The following NTRK2 variants were observed in gnomAD, a reference collection of about 807,000 sequenced individuals.
The protein encoded by NTRK2 is neurotrophic receptor tyrosine kinase 2.
In NTRK2, 13 loss-of-function variants were observed where a neutral mutation model predicts 94.5. The observed-to-expected ratio is 0.14, with a 90% CI of 0.09 to 0.22. The LOEUF is 0.22. Ranked by LOEUF, NTRK2 falls within the 10% of genes least tolerant of loss-of-function variation. NTRK2 has a pLI of 1.00. For synonymous variants in NTRK2, 372 were observed against 407.4 expected (o/e 0.91, Z 1.05); for missense variants, 639 against 1,071.2 (o/e 0.60, Z 5.63).
chr9:84,979,955 G>A (rs1385557842), intron 17 of NTRK2, among the ~76,000 whole-genome samples: 1 of 152,140 alleles, frequency 6.6e-6, no homozygotes, highest in Non-Finnish European at 1.5e-5. Flanking sequence ...TAGCTATAAC[G>A]CTATTGCATA....
At chr9:84,891,403 T>C (rs902161297) in intron 14 of NTRK2, among the ~76,000 whole-genome samples, 6 of 151,960 alleles carry the variant, frequency 3.9e-5, no homozygotes, top group Non-Finnish European at 4.4e-5. Context: ...AAAGCAATAG[T>C]GCACTACAAC....
chr9:85,023,836 G>C lies in NTRK2; in HGVS notation c.*2399G>C. ...GCTGCATGTCTGGCCAGCTAATCTCGGGGGAAAAGCTACAAGTTATTTATT... is the reference window on the plus strand; with the variant it reads ...GCTGCATGTCTGGCCAGCTAATCTCCGGGGAAAAGCTACAAGTTATTTATT... On this transcript the variant is annotated 3_prime_UTR_variant, in exon 19 of 19. Coordinates refer to ENST00000277120, the MANE Select transcript of NTRK2 (RefSeq NM_006180.6). 4.4e-6 allele frequency: 1 copy of C among 229,024 alleles called. No individual in the cohort carries two copies. The highest frequency in any genetic ancestry group is 8.7e-6 in the Non-Finnish European group (1 of 115,490). 14.2% of individuals were successfully genotyped at this position (229,024 alleles called of 1,614,324 possible). A position where few individuals can be genotyped will look rare whatever the true frequency, so the allele number is the denominator to read the frequency against.
intron 10 of NTRK2, among the ~76,000 whole-genome samples, chr9:84,742,816 T>TC (rs762864134): frequency 2.9e-5 from 4 of 136,794 alleles, no homozygotes; most frequent in Middle Eastern, 4.0e-3. Flanking sequence ...TTTTTTTTTT[T>TC]CCGAGACGGA....
chr9:84,941,876 C>A (rs886456608), intron 15 of NTRK2, among the ~76,000 whole-genome samples: 8 of 152,156 alleles, frequency 5.3e-5, no homozygotes, highest in African/African-American at 1.7e-4. Context: ...CATATTATTG[C>A]AAATAGTTTA....
chr9:84,671,137 G>A (rs1305516720), intron 2 of NTRK2, among the ~76,000 whole-genome samples, 177 bp downstream of exon 2: 5 of 152,242 alleles, frequency 3.3e-5, no homozygotes, highest in Non-Finnish European at 7.3e-5. Context: ...GACTGCTAGT[G>A]CAGGGAGAAG....
chr9:84,755,633 C>T (rs1402409022), intron 12 of NTRK2, among the ~76,000 whole-genome samples: 1 of 144,094 alleles, frequency 6.9e-6, no homozygotes, highest in African/African-American at 2.6e-5. Flanking sequence ...GGTTTTCACA[C>T]ACTGTTTTCA....
At chr9:84,910,801 AG>A (rs2132484711) in intron 14 of NTRK2, among the ~76,000 whole-genome samples, 1 of 152,344 alleles carries the variant, frequency 6.6e-6, no homozygotes, top group East Asian at 1.9e-4. Flanking sequence ...CTTTAAAATC[AG>A]GTGCGTAAGT....
chr9:84,870,331 G>GTGTGTA lies in NTRK2; in HGVS notation c.1633+2901_1633+2902insGTGTAT, dbSNP rs1349303529. Among the ~76,000 whole-genome samples the GTGTGTA allele has an allele frequency of 1.5e-3, 48 of 31,164 alleles. 2 individuals are homozygous for GTGTGTA. The highest frequency in any genetic ancestry group is 3.0e-3 in the South Asian group (1 of 330). 20.4% of individuals were successfully genotyped at this position (31,164 alleles called of 152,430 possible). A position where few individuals can be genotyped will look rare whatever the true frequency, so the allele number is the denominator to read the frequency against. On this transcript the variant is annotated intron_variant, in intron 14 of 18. Coordinates refer to ENST00000277120, the MANE Select transcript of NTRK2 (RefSeq NM_006180.6). ...ATACATATATGTGGGGTGTGTGTGT[G>GTGTGTA]TATATATATATATATATATATATAT...
intron 14 of NTRK2, among the ~76,000 whole-genome samples, chr9:84,879,561 G>T (rs1353746015): frequency 6.6e-6 from 1 of 152,124 alleles, no homozygotes; most frequent in African/African-American, 2.4e-5. Context: ...AATAATTGCT[G>T]CAGTATAGAT....
intron 11 of NTRK2, among the ~76,000 whole-genome samples, chr9:84,746,689 G>A (rs1358866821): frequency 6.6e-6 from 1 of 151,960 alleles, no homozygotes; most frequent in Non-Finnish European, 1.5e-5. Flanking sequence ...CTTGCCACCT[G>A]CCTTTTTCAT....
intron 6 of NTRK2, among the ~76,000 whole-genome samples, chr9:84,711,130 G>A (rs1235748362): frequency 1.3e-5 from 2 of 152,056 alleles, no homozygotes; most frequent in East Asian, 3.9e-4. Context: ...TAAAAGTGTG[G>A]CACTTCTCTG....
At chr9:84,829,416 G>T (rs1014854909) in intron 12 of NTRK2, among the ~76,000 whole-genome samples, 3 of 152,164 alleles carry the variant, frequency 2.0e-5, no homozygotes, top group Non-Finnish European at 4.4e-5. Context: ...GTCAAACAAA[G>T]CACATCTGAG....
intron 16 of NTRK2, among the ~76,000 whole-genome samples, chr9:84,950,591 G>GT (rs5898875): frequency 1.0e-3 from 152 of 150,938 alleles, no homozygotes; most frequent in African/African-American, 3.4e-3. Flanking sequence ...GGTCTAATAT[G>GT]TTTTTTTTTT....
At chr9:84,705,805 T>A (rs78232973) in intron 4 of NTRK2, among the ~76,000 whole-genome samples, 3 of 147,534 alleles carry the variant, frequency 2.0e-5, no homozygotes, top group African/African-American at 5.1e-5. Context: ...TTTTTTTTTT[T>A]AAAGAAGGAG....
At chr9:84,691,514 G>C (rs917912591) in intron 2 of NTRK2, among the ~76,000 whole-genome samples, 5 of 152,144 alleles carry the variant, frequency 3.3e-5, no homozygotes, top group African/African-American at 9.7e-5. Flanking sequence ...TTTAGTCTCT[G>C]TTGCTGGTTA....
At chr9:84,813,074 T>A (rs2071991948) in intron 12 of NTRK2, 8 of 1,039,636 alleles carry the variant, frequency 7.7e-6, no homozygotes, top group Non-Finnish European at 9.3e-6. Flanking sequence ...TTTTAGAGCT[T>A]CCTAATGCAT....
intron 18 of NTRK2, among the ~76,000 whole-genome samples, chr9:85,020,675 G>A (rs933205569): frequency 6.6e-6 from 1 of 152,160 alleles, no homozygotes; most frequent in African/African-American, 2.4e-5. Flanking sequence ...ATACAGTCCA[G>A]CAAGTTCTTT....
intron 12 of NTRK2, among the ~76,000 whole-genome samples, chr9:84,804,646 C>T (rs752044683): frequency 6.6e-5 from 10 of 152,188 alleles, no homozygotes; most frequent in African/African-American, 9.6e-5. Flanking sequence ...AGTATTTTGA[C>T]GAAAATAAAT....
At chr9:84,980,511 C>G (rs1437243237) in intron 17 of NTRK2, among the ~76,000 whole-genome samples, 3 of 152,098 alleles carry the variant, frequency 2.0e-5, no homozygotes, top group African/African-American at 7.2e-5. Flanking sequence ...ACTACTAATC[C>G]CCAGTGTCTC....
Sources: allele counts gnomAD v4.1 joint callset (sites outside exome capture counted in the v4.1 genomes callset), GRCh38; gene constraint gnomAD v4.1.1; transcripts MANE v1.5; gene names NCBI Gene and HGNC (gene_info 2026-07-23, HGNC 2026-07-21).